Variants in POU6F2 observed in about 807,000 individuals in gnomAD.
The protein encoded by POU6F2 is POU domain, class 6, transcription factor 2.
POU6F2 carries 31 observed loss-of-function variants against 71.3 expected under a neutral mutation model. The ratio of observed to expected loss-of-function variants is 0.43; its 90% CI spans 0.33 to 0.59. The LOEUF (loss-of-function observed/expected upper bound fraction) is 0.59, where lower values mean the gene tolerates loss of function less well. Ranked by LOEUF, POU6F2 falls within the 20% of genes least tolerant of loss-of-function variation. The pLI, the probability that POU6F2 is intolerant of heterozygous loss-of-function variation, is 0.04. For missense variants in POU6F2, 783 were observed against 856.8 expected (o/e 0.91, Z 1.07); for synonymous variants, 347 against 355.7 (o/e 0.98, Z 0.27).
At chr7:39,432,958 T>C in intron 6 of POU6F2, 119 bp from the exon 7 acceptor site, 1 of 939,990 alleles carries the variant, frequency 1.1e-6, no homozygotes, top group African/African-American at 1.6e-5. Flanking sequence ...CAGAGCTGCT[T>C]GCAGATTCTG....
intron 4 of POU6F2, among the ~76,000 whole-genome samples, chr7:39,298,991 C>T (rs1784903483): frequency 6.6e-6 from 1 of 151,930 alleles, no homozygotes; most frequent in South Asian, 2.1e-4. Flanking sequence ...GAACAACACA[C>T]ACCAGGGCCT....
chr7:39,252,399 G>GACAGACACACACACAC lies in POU6F2; in HGVS notation c.598+44782_598+44783insGACACACACACACACA, dbSNP rs1554335522. 1.1e-3 allele frequency among the ~76,000 whole-genome samples: 155 copies of GACAGACACACACACAC among 144,258 alleles called. 1 individual carries two copies. The highest frequency in any genetic ancestry group is 3.8e-3 in the African/African-American group (149 of 39,124). The allele number at this position is 144,258 out of a possible 152,430, so 94.6% of individuals were successfully genotyped here. ...ACACACACATACAGACAGACAGACA[G>GACAGACACACACACAC]ACACACACACACACACACACACACA... On this transcript the variant is annotated intron_variant, in intron 4 of 9. Transcript: ENST00000518318.
chr7:39,433,397 A>G, intron 7 of POU6F2, 114 bp downstream of exon 7: 1 of 1,124,052 alleles, frequency 8.9e-7, no homozygotes, highest in Non-Finnish European at 1.3e-6. Context: ...AGTTGATCTC[A>G]CTCATCTGAA....
At chr7:39,418,341 C>G (rs1484857742) in intron 6 of POU6F2, among the ~76,000 whole-genome samples, 1 of 152,168 alleles carries the variant, frequency 6.6e-6, no homozygotes, top group Non-Finnish European at 1.5e-5. Context: ...ATTTCATTCT[C>G]ACAATGATTT....
Position 39,460,233 on chromosome 7 carries a change from G to A in POU6F2, c.1490-314G>A, listed in dbSNP as rs2116161013. Among the ~76,000 whole-genome samples, 1 of 152,302 alleles carries A rather than the reference G, an allele frequency of 6.6e-6. No individual in the cohort carries two copies. The highest frequency in any genetic ancestry group is 6.5e-5 in the Admixed American group (1 of 15,300). On this transcript the variant is annotated intron_variant, in intron 8 of 9. Coordinates refer to ENST00000518318, the MANE Select transcript of POU6F2 (RefSeq NM_001370959.1). This position sits in a 1 kb window ranked among gnomAD's most constrained non-coding sequence, Gnocchi z 4.4. ...GGCAAAATGGAGTCGCATTCCCATA[G>A]CAAGTGCCTCCCAGTGCTGGCTGTT... is the stretch of plus-strand genomic sequence containing the variant.
At chr7:39,221,801 G>A in intron 4 of POU6F2, among the ~76,000 whole-genome samples, 1 of 152,100 alleles carries the variant, frequency 6.6e-6, no homozygotes, top group Admixed American at 6.6e-5. Context: ...AAGCAAGAAG[G>A]ACAAAATGTT....
chr7:39,204,000 G>A (rs1793957543), intron 2 of POU6F2, among the ~76,000 whole-genome samples: 2 of 152,006 alleles, frequency 1.3e-5, no homozygotes, highest in Non-Finnish European at 2.9e-5. Flanking sequence ...ACAACACACT[G>A]GCATACTCTA....
intron 2 of POU6F2, among the ~76,000 whole-genome samples, chr7:39,109,459 A>T (rs150058843): frequency 3.9e-5 from 6 of 152,170 alleles, no homozygotes; most frequent in Admixed American, 3.9e-4. Context: ...GTCTCACCTG[A>T]GTTGGTCTTT....
At chr7:39,030,543 T>TATATATATATATATATATATATGTATAC (rs1491146903) in intron 1 of POU6F2, among the ~76,000 whole-genome samples, 2 of 88,014 alleles carry the variant, frequency 2.3e-5, no homozygotes, top group Non-Finnish European at 2.3e-5. Context: ...TATATATATA[T>TATATATATATATATATATATATGTATAC]ACACACACAT....
chr7:39,291,342 TTA>T (rs1215751898), intron 4 of POU6F2, among the ~76,000 whole-genome samples: 4 of 152,224 alleles, frequency 2.6e-5, no homozygotes, highest in Non-Finnish European at 5.9e-5. Flanking sequence ...AGGTTTTGCA[TTA>T]TGTTGTTGTG....
At chr7:39,365,876 T>TTGAGGTTAGTAGAC (rs1786490105) in intron 5 of POU6F2, among the ~76,000 whole-genome samples, 2 of 152,152 alleles carry the variant, frequency 1.3e-5, no homozygotes, top group Admixed American at 1.3e-4. Flanking sequence ...AGGGTGTGTC[T>TTGAGGTTAGTAGAC]ACTTGAGGTT....
Position 39,322,993 on chromosome 7 carries a change from A to G in POU6F2, c.599-16649A>G, listed in dbSNP as rs151209117. Among the ~76,000 whole-genome samples, 272 of 152,310 alleles carry G rather than the reference A, an allele frequency of 1.8e-3. 2 individuals are homozygous for G. Among genetic ancestry groups the G allele is most frequent in the African/African-American group, 5.7e-3 (236 of 41,572 alleles). On this transcript the variant is annotated intron_variant, in intron 4 of 9. Transcript: ENST00000518318. ...AGCACATGATACATGTTAGGTAGGA[A>G]GAATAAGCTGAAGTCATCAAGTGGC...
chr7:39,071,892 T>A (rs1226743175), intron 1 of POU6F2, among the ~76,000 whole-genome samples: 1 of 152,162 alleles, frequency 6.6e-6, no homozygotes, highest in Non-Finnish European at 1.5e-5. Context: ...TTATTTTAAT[T>A]CAAAAGATGA....
At chr7:39,325,531 G>A (rs1334165226) in intron 4 of POU6F2, among the ~76,000 whole-genome samples, 1 of 152,222 alleles carries the variant, frequency 6.6e-6, no homozygotes, top group Admixed American at 6.5e-5. Flanking sequence ...GAAGTCTCTT[G>A]CTGTATACTC....
Position 39,378,596 on chromosome 7 carries a change from T to C in POU6F2, c.973-28004T>C, listed in dbSNP as rs1786757767. ...TGCTCCGTCAATCTGTTGCTGTCACTGATTGCTAGTTTCTGCTTCTGAAAA... is the reference window on the plus strand; with the variant it reads ...TGCTCCGTCAATCTGTTGCTGTCACCGATTGCTAGTTTCTGCTTCTGAAAA... On this transcript the variant is annotated intron_variant, in intron 5 of 9. Transcript: ENST00000518318. Among the ~76,000 whole-genome samples, 4 of 152,238 alleles carry C rather than the reference T, an allele frequency of 2.6e-5. No homozygotes were observed. The South Asian group carries it at 8.3e-4, about 32-fold the overall frequency.
At chr7:39,172,929 T>TC in intron 2 of POU6F2, among the ~76,000 whole-genome samples, 1 of 138,316 alleles carries the variant, frequency 7.2e-6, no homozygotes, top group East Asian at 3.2e-4. Flanking sequence ...GGCCTCCAGG[T>TC]CCCTTTTTTT....
At chr7:38,993,611 A>AACACACAC (rs10553247) in intron 1 of POU6F2, among the ~76,000 whole-genome samples, 26 of 130,596 alleles carry the variant, frequency 2.0e-4, no homozygotes, top group African/African-American at 5.9e-4. Context: ...CAGGATTTTA[A>AACACACAC]ACACACACAC....
At chr7:39,056,662 C>CTCTCTG (rs1554313685) in intron 1 of POU6F2, among the ~76,000 whole-genome samples, 167 of 113,420 alleles carry the variant, frequency 1.5e-3, no homozygotes, top group East Asian at 7.8e-3. Context: ...CTCTCTCTCT[C>CTCTCTG]TGTGTGTGTG....
Position 39,464,329 on chromosome 7 carries a change from G to A in POU6F2, c.1806G>A (p.Lys602=). ...KLDITPKSAQ[K]IKPVLERWMA... The stretch of plus-strand genomic sequence containing the variant: ...ACATCACCCCTAAAAGTGCCCAGAA[G>A]ATCAAGCCGGTGCTTGAGCGGTGGA... Residue 602 remains lysine (K), a synonymous_variant, in exon 10 of 10, where the codon AAG becomes AAA. Coordinates refer to ENST00000518318, the MANE Select transcript of POU6F2 (RefSeq NM_001370959.1). The surrounding 1 kb of genome is among the most constrained non-coding windows in gnomAD (Gnocchi z 4.1). 1 of 1,614,054 alleles carries A rather than the reference G, an allele frequency of 6.2e-7. No homozygotes were observed.
Sources: allele counts gnomAD v4.1 joint callset (sites outside exome capture counted in the v4.1 genomes callset), GRCh38; gene constraint gnomAD v4.1.1; non-coding constraint Gnocchi (gnomAD v3.1); transcripts MANE v1.5; gene names NCBI Gene and HGNC (gene_info 2026-07-23, HGNC 2026-07-21).